The following DPP10 variants were observed in gnomAD, a reference collection of about 807,000 sequenced individuals.
The protein encoded by DPP10 is inactive dipeptidyl peptidase 10.
In DPP10, 33 loss-of-function variants were observed where a neutral mutation model predicts 120.9. The observed-to-expected ratio is 0.27, with a 90% CI of 0.21 to 0.37. DPP10 has a LOEUF of 0.37. Among genes scored for constraint, DPP10 ranks in the 10% least tolerant of loss-of-function variants. The pLI is 1.00. For missense variants in DPP10, 816 were observed against 942.8 expected (o/e 0.87, Z 1.76); for synonymous variants, 337 against 326.1 (o/e 1.03, Z -0.36).
At chr2:114,637,602 AT>A (rs1234105909) in intron 1 of DPP10, among the ~76,000 whole-genome samples, 36 of 151,952 alleles carry the variant, frequency 2.4e-4, no homozygotes, top group Non-Finnish European at 5.9e-5. Flanking sequence ...TTCTTCTAGA[AT>A]TTTTATAGTT....
At chr2:114,773,446 A>ATAT in intron 1 of DPP10, among the ~76,000 whole-genome samples, 1 of 147,012 alleles carries the variant, frequency 6.8e-6, no homozygotes, top group African/African-American at 2.6e-5. Flanking sequence ...TTAAATGAAC[A>ATAT]CTCATCACGG....
At chr2:114,762,961 G>GAT (rs994456754) in intron 1 of DPP10, among the ~76,000 whole-genome samples, 3 of 152,120 alleles carry the variant, frequency 2.0e-5, no homozygotes, top group African/African-American at 7.2e-5. Flanking sequence ...GTAAGGTTAT[G>GAT]ATATATATAT....
At chr2:115,190,598 A>G (rs943462228) in intron 1 of DPP10, among the ~76,000 whole-genome samples, 6 of 152,164 alleles carry the variant, frequency 3.9e-5, no homozygotes, top group Admixed American at 2.6e-4. Flanking sequence ...GTTGAAGTTA[A>G]CATCAGGGGC....
chr2:114,852,151 C>CTTTTTTTTTTTTT (rs34580352), intron 1 of DPP10, among the ~76,000 whole-genome samples: 10 of 53,728 alleles, frequency 1.9e-4, no homozygotes, highest in Admixed American at 3.0e-4. Context: ...CGATTGCATC[C>CTTTTTTTTTTTTT]TTTTTTTTTT....
intron 1 of DPP10, among the ~76,000 whole-genome samples, chr2:114,457,130 T>G (rs1235143798): frequency 1.3e-5 from 2 of 152,200 alleles, no homozygotes; most frequent in African/African-American, 4.8e-5. Flanking sequence ...ATTCTTAATG[T>G]TCAGGAGAGA....
At chr2:114,481,141 T>TA (rs983428400) in intron 1 of DPP10, among the ~76,000 whole-genome samples, 2 of 150,024 alleles carry the variant, frequency 1.3e-5, no homozygotes, top group South Asian at 2.1e-4. Flanking sequence ...TACATCAAAC[T>TA]AAAAAAAAAG....
intron 7 of DPP10, among the ~76,000 whole-genome samples, chr2:115,717,357 T>C (rs2092528009): frequency 6.6e-6 from 1 of 152,162 alleles, no homozygotes; most frequent in African/African-American, 2.4e-5. Context: ...TGTGCACATG[T>C]ACCCTAAAAC....
At chr2:114,878,016 T>C (rs762048100) in intron 1 of DPP10, among the ~76,000 whole-genome samples, 8 of 152,024 alleles carry the variant, frequency 5.3e-5, no homozygotes, top group Non-Finnish European at 1.0e-4. Flanking sequence ...TCTCTACTTA[T>C]GTCCAGATGA....
chr2:115,079,240 C>A (rs977553757), intron 1 of DPP10, among the ~76,000 whole-genome samples: 1 of 152,034 alleles, frequency 6.6e-6, no homozygotes, highest in African/African-American at 2.4e-5. Flanking sequence ...ATTAGCCGGA[C>A]GTGGTGGCGG....
intron 5 of DPP10, among the ~76,000 whole-genome samples, chr2:115,537,804 G>T (rs965235839): frequency 3.3e-5 from 5 of 151,946 alleles, no homozygotes; most frequent in African/African-American, 7.2e-5. Context: ...CGAAGGCTTA[G>T]GTGATTGATG....
chr2:114,717,927 G>A (rs1184689845), intron 1 of DPP10, among the ~76,000 whole-genome samples: 1 of 152,104 alleles, frequency 6.6e-6, no homozygotes, highest in Non-Finnish European at 1.5e-5. Context: ...GAGACATATT[G>A]TAAGAAACTA....
chr2:115,677,685 GTAA>G (rs1180303827), intron 5 of DPP10, among the ~76,000 whole-genome samples: 1 of 152,150 alleles, frequency 6.6e-6, no homozygotes, highest in Non-Finnish European at 1.5e-5. Flanking sequence ...AGGTTATTGT[GTAA>G]TAATAACAAG....
chr2:114,479,670 A>G (rs1481388664), intron 1 of DPP10, among the ~76,000 whole-genome samples: 1 of 152,174 alleles, frequency 6.6e-6, no homozygotes, highest in African/African-American at 2.4e-5. Context: ...ATATATAGAA[A>G]GCTGAAACTG....
chr2:114,788,753 A>G (rs573065745), intron 1 of DPP10, among the ~76,000 whole-genome samples: 1 of 152,144 alleles, frequency 6.6e-6, no homozygotes, highest in Non-Finnish European at 1.5e-5. Flanking sequence ...TTAGGTAGAG[A>G]AAAAAAGTTT....
chr2:115,266,198 G>T (rs1244543098), intron 1 of DPP10, among the ~76,000 whole-genome samples: 1 of 152,124 alleles, frequency 6.6e-6, no homozygotes, highest in African/African-American at 2.4e-5. Context: ...AGATAAACAT[G>T]AAACGAAGGA....
chr2:115,170,981 C>G (rs1370721380), intron 1 of DPP10, among the ~76,000 whole-genome samples: 2 of 152,150 alleles, frequency 1.3e-5, no homozygotes, highest in Non-Finnish European at 2.9e-5. Flanking sequence ...AATGCCATCT[C>G]CAAACCCAAA....
At chr2:114,868,201 A>G (rs1287570990) in intron 1 of DPP10, among the ~76,000 whole-genome samples, 2 of 152,212 alleles carry the variant, frequency 1.3e-5, no homozygotes, top group Non-Finnish European at 2.9e-5. Context: ...TGTGCTTGTT[A>G]CTAAGACCAT....
intron 1 of DPP10, among the ~76,000 whole-genome samples, chr2:115,219,249 T>C (rs897401106): frequency 6.6e-6 from 1 of 152,136 alleles, no homozygotes; most frequent in Non-Finnish European, 1.5e-5. Flanking sequence ...TTGAGCAATT[T>C]ATATTTCTAG....
At chr2:114,533,535 G>A (rs1485755316) in intron 1 of DPP10, among the ~76,000 whole-genome samples, 1 of 151,754 alleles carries the variant, frequency 6.6e-6, no homozygotes, top group Admixed American at 6.6e-5. Context: ...CTAGGTGATG[G>A]GTTAATAGGT....
Sources: gnomAD v4.1 joint callset for allele counts (sites outside exome capture counted in the v4.1 genomes callset) on GRCh38, gnomAD v4.1.1 for gene constraint, MANE v1.5 for transcripts, NCBI Gene and HGNC (gene_info 2026-07-23, HGNC 2026-07-21) for gene names.